The following SLC44A1 variants were observed in gnomAD, a reference collection of about 807,000 sequenced individuals.
SLC44A1 encodes the protein solute carrier family 44 member 1.
A neutral mutation model predicts 79.3 loss-of-function variants in SLC44A1; 26 were observed. That is an observed-to-expected ratio of 0.33 (90% confidence interval 0.24 to 0.46). The LOEUF is 0.46. Ranked by LOEUF, SLC44A1 falls within the 20% of genes least tolerant of loss-of-function variation. The probability of loss-of-function intolerance (pLI) is 1.00; values close to 1 mark genes in which losing one functional copy is unlikely to be tolerated. For missense variants in SLC44A1, 688 were observed against 798.1 expected (o/e 0.86, Z 1.66); for synonymous variants, 263 against 286.2 (o/e 0.92, Z 0.82).
intron 15 of SLC44A1, among the ~76,000 whole-genome samples, chr9:105,414,663 G>A (rs1426626606): frequency 1.3e-5 from 2 of 152,080 alleles, no homozygotes; most frequent in East Asian, 3.9e-4. Flanking sequence ...TGGGCACCGT[G>A]GTGCACAACT....
At chr9:105,303,520 C>T (rs1311893174) in intron 2 of SLC44A1, among the ~76,000 whole-genome samples, 2 of 152,172 alleles carry the variant, frequency 1.3e-5, no homozygotes, top group African/African-American at 4.8e-5. Context: ...ATGAGCTAGA[C>T]ACTGTTCTTA....
At position 105,389,997 on chromosome 9, in the gene SLC44A1, G is replaced by A. The variant is rs576146430; in HGVS notation, c.*941G>A. ...GCTTGGGCTTCGGCTTCAGAGTAACGTCAGTGGCTTAGGGTTAAACGGCCA... is the reference window on the plus strand; with the variant it reads ...GCTTGGGCTTCGGCTTCAGAGTAACATCAGTGGCTTAGGGTTAAACGGCCA... On this transcript the variant is annotated 3_prime_UTR_variant, in exon 16 of 16. Transcript: ENST00000374720. 7.0e-6 allele frequency: 10 copies of A among 1,433,142 alleles called. No individual in the cohort carries two copies. The Admixed American group carries it at 1.5e-4, about 22-fold the overall frequency. 88.8% of individuals were successfully genotyped at this position (1,433,142 alleles called of 1,614,324 possible). A position where few individuals can be genotyped will look rare whatever the true frequency, so the allele number is the denominator to read the frequency against.
In SLC44A1 at chr9:105,351,608, AAGAAAGAAAGAAAGAGAGAGAAAG is replaced by A. The variant is rs1336166571; in HGVS notation, c.500+3173_500+3196del. ...AGAAAGAGAGAAAGAGAAAGAAAGAAAGAAAGAAAGAAAGAGAGAGAAAGAGAAAGAAAGAAAGAAAGAAAGAAA... is the reference window on the plus strand; with the variant it reads ...AGAAAGAGAGAAAGAGAAAGAAAGAAAGAAAGAAAGAAAGAAAGAAAGAAA... On this transcript the variant is annotated intron_variant, in intron 5 of 15. Transcript: ENST00000374720. Among the ~76,000 whole-genome samples the A allele has an allele frequency of 6.5e-3, 618 of 95,706 alleles. 11 individuals are homozygous for A. The highest frequency in any genetic ancestry group is 0.024 in the African/African-American group (549 of 22,710). The allele number at this position is 95,706 out of a possible 152,430, so 62.8% of individuals were successfully genotyped here. A position where few individuals can be genotyped will look rare whatever the true frequency, so the allele number is the denominator to read the frequency against.
At chr9:105,254,599 C>CTT (rs1307503538) in intron 1 of SLC44A1, among the ~76,000 whole-genome samples, 2 of 152,176 alleles carry the variant, frequency 1.3e-5, no homozygotes, top group Non-Finnish European at 2.9e-5. Context: ...TAACATTTTA[C>CTT]TTATAGCCCC....
chr9:105,292,693 A>T (rs965538818), intron 1 of SLC44A1, among the ~76,000 whole-genome samples: 2 of 152,198 alleles, frequency 1.3e-5, no homozygotes, highest in African/African-American at 4.8e-5. Flanking sequence ...ACGTTTCCTT[A>T]ATGTTCCCCA....
rs559421311 is a variant in SLC44A1 at position 105,332,640 on chromosome 9, G to T, written c.270-2923G>T. 3.9e-5 allele frequency among the ~76,000 whole-genome samples: 6 copies of T among 152,224 alleles called. No homozygotes were observed. In the South Asian group the frequency reaches 1.2e-3, roughly 32 times the overall value. The stretch of plus-strand genomic sequence containing the variant: ...ACCCTCCTGTTCTTGTTTTCTTTGT[G>T]CTGGATCTGTTTTGGGGGCCTACTT... On this transcript the variant is annotated intron_variant, in intron 3 of 15. Transcript: ENST00000374720.
chr9:105,296,096 G>A (rs926818772), intron 1 of SLC44A1, among the ~76,000 whole-genome samples: 3 of 152,094 alleles, frequency 2.0e-5, no homozygotes, highest in Non-Finnish European at 4.4e-5. Flanking sequence ...CAGAGAGAGG[G>A]TTAACTGAAA....
chr9:105,374,553 G>T (rs184212980), intron 12 of SLC44A1, 45 bp from the exon 13 acceptor site: 2 of 1,585,024 alleles, frequency 1.3e-6, no homozygotes, highest in African/African-American at 2.7e-5. Flanking sequence ...CTTAACAAAG[G>T]AAGTTTCAAT....
At chr9:105,429,000 G>A (rs542533411) in intron 15 of SLC44A1, among the ~76,000 whole-genome samples, 2 of 152,296 alleles carry the variant, frequency 1.3e-5, no homozygotes, top group Non-Finnish European at 2.9e-5. Flanking sequence ...CACCACACCC[G>A]GCCGGTTATT....
chr9:105,364,475 C>CTAT, intron 9 of SLC44A1, 80 bp from the exon 10 acceptor site: 1 of 1,214,768 alleles, frequency 8.2e-7, no homozygotes. Context: ...GGGTAGGGAC[C>CTAT]TATTGCCTTC....
intron 3 of SLC44A1, among the ~76,000 whole-genome samples, chr9:105,333,451 G>A (rs941427948): frequency 6.6e-6 from 1 of 152,022 alleles, no homozygotes; most frequent in Non-Finnish European, 1.5e-5. Flanking sequence ...TGTTTAATAC[G>A]GTGTCTGATA....
At chr9:105,280,637 A>C (rs1830328339) in intron 1 of SLC44A1, among the ~76,000 whole-genome samples, 1 of 152,262 alleles carries the variant, frequency 6.6e-6, no homozygotes. Flanking sequence ...AGAGCTTTAA[A>C]GTGTTGAGAC....
In SLC44A1 at chr9:105,394,977, G is replaced by A; in HGVS notation, c.*5921G>A. On this transcript the variant is annotated 3_prime_UTR_variant, in exon 16 of 16. Coordinates refer to ENST00000374720, the MANE Select transcript of SLC44A1 (RefSeq NM_080546.5). Reference sequence around the variant, plus strand: ...CATCTGCACCTTACTATTAGGTAAGGGTGCTGCATCTACATGGAAGGCTCC... The same window carrying A: ...CATCTGCACCTTACTATTAGGTAAGAGTGCTGCATCTACATGGAAGGCTCC... The A allele has an allele frequency of 1.0e-6, 1 of 985,418 alleles. No individual in the cohort carries two copies. Among genetic ancestry groups the A allele is most frequent in the Non-Finnish European group, 1.2e-6 (1 of 829,948 alleles). 61.0% of individuals were successfully genotyped at this position (985,418 alleles called of 1,614,324 possible).
chr9:105,264,557 G>A (rs984482357), intron 1 of SLC44A1, among the ~76,000 whole-genome samples: 10 of 152,172 alleles, frequency 6.6e-5, no homozygotes, highest in African/African-American at 2.4e-4. Flanking sequence ...GGAGATCGTG[G>A]TTGTCTTGTT....
At position 105,345,898 on chromosome 9, in the gene SLC44A1, G is replaced by A. The variant is rs545576352; in HGVS notation, c.407-2460G>A. ...TAGTTTTCTACTTTTCATTACTCAT[G>A]TATAACTTTTACCTGCTTTTGCATT... On this transcript the variant is annotated intron_variant, in intron 4 of 15. Transcript: ENST00000374720. 6.0e-5 allele frequency among the ~76,000 whole-genome samples: 9 copies of A among 150,046 alleles called. No homozygotes were observed. The South Asian group carries it at 1.9e-3, about 32-fold the overall frequency.
intron 2 of SLC44A1, among the ~76,000 whole-genome samples, chr9:105,305,450 A>G (rs557427996): frequency 4.6e-5 from 7 of 152,260 alleles, no homozygotes; most frequent in Admixed American, 1.3e-4. Flanking sequence ...CTGGGTCCCA[A>G]TAGCCCTCTG....
intron 1 of SLC44A1, among the ~76,000 whole-genome samples, chr9:105,248,287 C>T (rs1829504617): frequency 6.6e-6 from 1 of 152,196 alleles, no homozygotes; most frequent in African/African-American, 2.4e-5. Flanking sequence ...TGTAGATTCT[C>T]ATAAAAGAGT....
At chr9:105,372,919 C>T (rs1230939118) in intron 12 of SLC44A1, among the ~76,000 whole-genome samples, 7 of 146,628 alleles carry the variant, frequency 4.8e-5, no homozygotes, top group Admixed American at 1.4e-4. Flanking sequence ...CACTGCACTC[C>T]AGCCTGGGCG....
At position 105,320,292 on chromosome 9, in the gene SLC44A1, CTTTTT is replaced by C. The variant is rs34573916; in HGVS notation, c.269+10443_269+10447del. Among the ~76,000 whole-genome samples, 837 of 119,086 alleles carry C rather than the reference CTTTTT, an allele frequency of 7.0e-3. 7 individuals are homozygous for C. The highest frequency in any genetic ancestry group is 0.024 in the African/African-American group (791 of 33,632). 78.1% of individuals were successfully genotyped at this position (119,086 alleles called of 152,430 possible). Reference sequence around the variant, plus strand: ...CCATTTGGGTTATTTCAATATTTAACTTTTTTTTTTTTTTTTTTTTTACTATTGTG... The same window carrying C: ...CCATTTGGGTTATTTCAATATTTAACTTTTTTTTTTTTTTTTACTATTGTG... On this transcript the variant is annotated intron_variant, in intron 3 of 15. Transcript: ENST00000374720.
Sources: allele counts gnomAD v4.1 joint callset (sites outside exome capture counted in the v4.1 genomes callset), GRCh38; gene constraint gnomAD v4.1.1; transcripts MANE v1.5; gene names NCBI Gene and HGNC (gene_info 2026-07-23, HGNC 2026-07-21).